STX8: variants seen among roughly 807,000 people sequenced by gnomAD.
The protein encoded by STX8 is syntaxin-8.
In STX8, 23 loss-of-function variants were observed where a neutral mutation model predicts 37.5. The observed-to-expected ratio is 0.61, with a 90% CI of 0.44 to 0.87. The LOEUF (loss-of-function observed/expected upper bound fraction) is 0.87, where lower values mean the gene tolerates loss of function less well. STX8 is among the 40% of genes least tolerant of loss of function. STX8 has a pLI of 0.00. For synonymous variants in STX8, 115 were observed against 99.1 expected (o/e 1.16, Z -0.95); for missense variants, 313 against 284.7 (o/e 1.10, Z -0.71).
rs111599749 is a variant in STX8, at chr17:9,419,911, G to C, written c.542-41258C>G. 5.2e-3 allele frequency among the ~76,000 whole-genome samples: 795 copies of C among 152,226 alleles called. 6 individuals carry two copies. Among genetic ancestry groups the C allele is most frequent in the African/African-American group, 0.018 (747 of 41,528 alleles). ...GTAGAAACCTTTTCTTTTGGCATAGGCTAACTTTTCAGTAATTGTGTAAAA... is the reference window on the plus strand; with the variant it reads ...GTAGAAACCTTTTCTTTTGGCATAGCCTAACTTTTCAGTAATTGTGTAAAA... On this transcript the variant is annotated intron_variant, in intron 6 of 7. Transcript: ENST00000306357.
At chr17:9,500,866 G>A (rs1049879087) in intron 5 of STX8, among the ~76,000 whole-genome samples, 6 of 152,174 alleles carry the variant, frequency 3.9e-5, no homozygotes, top group African/African-American at 9.6e-5. Flanking sequence ...TTAGCCGCGC[G>A]TGGTGGCGGG....
At chr17:9,349,715 G>A (rs1038016694) in intron 7 of STX8, among the ~76,000 whole-genome samples, 2 of 150,996 alleles carry the variant, frequency 1.3e-5, no homozygotes, top group Non-Finnish European at 3.0e-5. Context: ...CGTAATAAAA[G>A]TTATGTGAAT....
intron 6 of STX8, among the ~76,000 whole-genome samples, chr17:9,465,747 G>A (rs980985969): frequency 5.9e-5 from 9 of 152,102 alleles, no homozygotes; most frequent in Non-Finnish European, 1.2e-4. Context: ...GAGGACTTCC[G>A]GGACTGAAGC....
chr17:9,441,815 A>T (rs1191648888), intron 6 of STX8, among the ~76,000 whole-genome samples: 1 of 151,502 alleles, frequency 6.6e-6, no homozygotes, highest in African/African-American at 2.4e-5. Context: ...AGCTGGGACT[A>T]CAGGCGCCCA....
At chr17:9,541,919 C>T (rs149131045) in intron 4 of STX8, among the ~76,000 whole-genome samples, 16 of 152,286 alleles carry the variant, frequency 1.1e-4, no homozygotes, top group African/African-American at 3.9e-4. Context: ...TAAAACCACC[C>T]GGTAGTCTCC....
chr17:9,306,863 C>G (rs757069440), intron 7 of STX8, among the ~76,000 whole-genome samples: 1 of 151,840 alleles, frequency 6.6e-6, no homozygotes, highest in Admixed American at 6.6e-5. Context: ...TGGTGGCTCA[C>G]GTCTGTAATC....
chr17:9,315,291 A>G (rs957208463), intron 7 of STX8, among the ~76,000 whole-genome samples: 3 of 146,948 alleles, frequency 2.0e-5, no homozygotes, highest in Admixed American at 2.0e-4. Flanking sequence ...AAACAAAAAC[A>G]ACAAAAAAAA....
At chr17:9,326,593 C>A (rs1026322080) in intron 7 of STX8, among the ~76,000 whole-genome samples, 2 of 152,186 alleles carry the variant, frequency 1.3e-5, no homozygotes, top group Non-Finnish European at 1.5e-5. Flanking sequence ...GGAGTTACGA[C>A]CCTGATCATC....
At chr17:9,358,638 G>A (rs959362757) in intron 7 of STX8, among the ~76,000 whole-genome samples, 5 of 152,304 alleles carry the variant, frequency 3.3e-5, no homozygotes, top group African/African-American at 4.8e-5. Flanking sequence ...GAGAGAAAGC[G>A]GCTGGTGAGG....
chr17:9,266,976 C>T (rs1031478858), intron 7 of STX8, among the ~76,000 whole-genome samples: 2 of 152,208 alleles, frequency 1.3e-5, no homozygotes, highest in African/African-American at 4.8e-5. Flanking sequence ...AAGGTCATCT[C>T]TACTTTCAAG....
At chr17:9,288,424 G>A (rs1211490650) in intron 7 of STX8, among the ~76,000 whole-genome samples, 9 of 151,956 alleles carry the variant, frequency 5.9e-5, no homozygotes, top group African/African-American at 1.9e-4. Context: ...CACTTTGGGA[G>A]GCCGAGACGG....
intron 6 of STX8, among the ~76,000 whole-genome samples, chr17:9,472,657 G>A (rs1905919012): frequency 6.6e-6 from 1 of 152,198 alleles, no homozygotes; most frequent in Admixed American, 6.5e-5. Flanking sequence ...CAATTCAGCT[G>A]CTACAGCTGG....
chr17:9,371,702 G>A (rs1258974093), intron 7 of STX8, among the ~76,000 whole-genome samples: 3 of 149,274 alleles, frequency 2.0e-5, no homozygotes, highest in African/African-American at 7.4e-5. Flanking sequence ...TACCAAATAT[G>A]TTCACTGGAT....
In STX8 at chr17:9,275,991, G is replaced by T. The variant is rs980374998; in HGVS notation, c.644-25346C>A. 2.0e-5 allele frequency among the ~76,000 whole-genome samples: 3 copies of T among 152,098 alleles called. 1 individual carries two copies. The South Asian group carries it at 6.2e-4, about 32-fold the overall frequency. ...AACACTCACTTATCTTATTATTAAG[G>T]CTTTTCCAGTCATGCTTCATGGTGT... On this transcript the variant is annotated intron_variant, in intron 7 of 7. Transcript: ENST00000306357.
At chr17:9,383,638 A>G (rs1911892365) in intron 6 of STX8, among the ~76,000 whole-genome samples, 1 of 152,162 alleles carries the variant, frequency 6.6e-6, no homozygotes, top group Non-Finnish European at 1.5e-5. Flanking sequence ...TCAATAAGGC[A>G]GGGGGGAAGA....
At chr17:9,383,507 C>T (rs1249206288) in intron 6 of STX8, among the ~76,000 whole-genome samples, 4 of 152,208 alleles carry the variant, frequency 2.6e-5, no homozygotes, top group African/African-American at 9.6e-5. Context: ...TTAAAACTCT[C>T]AGAGCTAACA....
intron 3 of STX8, among the ~76,000 whole-genome samples, chr17:9,551,642 G>C (rs1906762321): frequency 6.6e-6 from 1 of 152,134 alleles, no homozygotes; most frequent in Non-Finnish European, 1.5e-5. Flanking sequence ...CACCATTATG[G>C]GGGGCTAGTC....
At chr17:9,303,049 T>G (rs1305888392) in intron 7 of STX8, among the ~76,000 whole-genome samples, 2 of 149,408 alleles carry the variant, frequency 1.3e-5, no homozygotes, top group African/African-American at 4.9e-5. Flanking sequence ...ATCCCAGCAC[T>G]TTGGGAGGCC....
chr17:9,518,851 A>G (rs141934761), intron 4 of STX8, among the ~76,000 whole-genome samples: 4,694 of 150,302 alleles, frequency 0.031, 227 homozygotes, highest in African/African-American at 0.11. Flanking sequence ...CCTGGGCGGC[A>G]GAGCGAGACT....
Sources: allele counts gnomAD v4.1 joint callset (sites outside exome capture counted in the v4.1 genomes callset), GRCh38; gene constraint gnomAD v4.1.1; transcripts MANE v1.5; gene names NCBI Gene and HGNC (gene_info 2026-07-23, HGNC 2026-07-21).